The following CAMTA1 variants were observed in gnomAD, a reference collection of about 807,000 sequenced individuals.
The protein encoded by CAMTA1 is calmodulin binding transcription activator 1, also known as calmodulin-binding transcription activator 1.
A neutral mutation model predicts 170.9 loss-of-function variants in CAMTA1; 27 were observed. The ratio of observed to expected loss-of-function variants is 0.16; its 90% CI spans 0.12 to 0.22. The LOEUF is 0.22. Ranked by LOEUF, CAMTA1 falls within the 10% of genes least tolerant of loss-of-function variation. CAMTA1 has a pLI of 1.00. For synonymous variants in CAMTA1, 833 were observed against 891.5 expected, an observed-to-expected ratio of 0.93 and a Z score of 1.17; for missense variants, 1,619 against 2,217.2, an observed-to-expected ratio of 0.73 and a Z score of 5.42.
intron 4 of CAMTA1, among the ~76,000 whole-genome samples, chr1:7,223,323 T>C (rs545565386): frequency 1.2e-4 from 18 of 152,250 alleles, no homozygotes; most frequent in South Asian, 4.1e-4. Context: ...AACAGGTGCA[T>C]GTGCGTGTGA....
At chr1:6,792,174 T>G (rs1229828168) in intron 1 of CAMTA1, among the ~76,000 whole-genome samples, 1 of 151,996 alleles carries the variant, frequency 6.6e-6, no homozygotes, top group Non-Finnish European at 1.5e-5. Flanking sequence ...GCCAGGTTGG[T>G]CTTGAATTCC....
chr1:6,949,747 T>C (rs1322346455), intron 3 of CAMTA1, among the ~76,000 whole-genome samples: 1 of 152,226 alleles, frequency 6.6e-6, no homozygotes, highest in Admixed American at 6.5e-5. Context: ...TCCAACAAGT[T>C]CATTTTTCAA....
chr1:7,496,688 C>A (rs960953423), intron 6 of CAMTA1, among the ~76,000 whole-genome samples: 1 of 152,126 alleles, frequency 6.6e-6, no homozygotes, highest in Non-Finnish European at 1.5e-5. Flanking sequence ...AGGACAGCAT[C>A]CCCTACCCCT....
At chr1:7,175,350 G>T (rs1369027969) in intron 4 of CAMTA1, among the ~76,000 whole-genome samples, 1 of 152,196 alleles carries the variant, frequency 6.6e-6, no homozygotes, top group Admixed American at 6.5e-5. Context: ...GTCTGATATT[G>T]GAATTACTAT....
intron 6 of CAMTA1, among the ~76,000 whole-genome samples, chr1:7,610,439 T>C (rs943395254): frequency 6.6e-6 from 1 of 152,072 alleles, no homozygotes; most frequent in African/African-American, 2.4e-5. Flanking sequence ...AGGAATGCAA[T>C]CCCAAACAAG....
At chr1:7,473,531 C>T (rs980993882) in intron 6 of CAMTA1, among the ~76,000 whole-genome samples, 7 of 152,222 alleles carry the variant, frequency 4.6e-5, no homozygotes, top group Admixed American at 4.6e-4. Context: ...CAGCCAACAG[C>T]CTTTTCAGCC....
intron 6 of CAMTA1, among the ~76,000 whole-genome samples, chr1:7,618,498 G>A (rs1045495460): frequency 6.6e-6 from 1 of 152,226 alleles, no homozygotes; most frequent in Non-Finnish European, 1.5e-5. Flanking sequence ...CTGCCCCAAA[G>A]ACTGACTCTG....
intron 6 of CAMTA1, among the ~76,000 whole-genome samples, chr1:7,531,218 C>A (rs1461253382): frequency 1.3e-5 from 2 of 152,000 alleles, no homozygotes; most frequent in African/African-American, 4.8e-5. Context: ...ATAGTAAAGT[C>A]CCGGTGAGAG....
chr1:7,388,866 C>G (rs1438883779), intron 5 of CAMTA1, among the ~76,000 whole-genome samples: 2 of 152,246 alleles, frequency 1.3e-5, no homozygotes, highest in Admixed American at 6.5e-5. Context: ...GCCTCTGAGC[C>G]CTCCAGCCAG....
chr1:7,120,495 G>A (rs1281622737), intron 4 of CAMTA1, among the ~76,000 whole-genome samples: 1 of 152,220 alleles, frequency 6.6e-6, no homozygotes, highest in Non-Finnish European at 1.5e-5. Context: ...GCAGGGGAGA[G>A]AGAGCCTGCT....
At position 7,173,955 on chromosome 1, in the gene CAMTA1, A is replaced by G. The variant is rs1290049136; in HGVS notation, c.303-75536A>G. Among the ~76,000 whole-genome samples, 1 of 152,098 alleles carries G rather than the reference A, an allele frequency of 6.6e-6. No homozygotes were observed. The highest frequency in any genetic ancestry group is 1.9e-4 in the East Asian group (1 of 5,198). ...AACTCAGAGGGGCCCAGCCTTTACC[A>G]TGGGTTACCTTTGACACCAAGGTTC... On this transcript the variant is annotated intron_variant, in intron 4 of 22. Coordinates refer to ENST00000303635, the MANE Select transcript of CAMTA1 (RefSeq NM_015215.4). This position sits in a 1 kb window ranked among gnomAD's most constrained non-coding sequence, Gnocchi z 5.4.
intron 11 of CAMTA1, among the ~76,000 whole-genome samples, chr1:7,720,044 TCTC>T (rs1010051987): frequency 6.6e-6 from 1 of 152,212 alleles, no homozygotes; most frequent in Non-Finnish European, 1.5e-5. Flanking sequence ...AACTTTTTCT[TCTC>T]CTCTGGCAAC....
intron 3 of CAMTA1, among the ~76,000 whole-genome samples, chr1:6,868,869 A>G (rs1166940691): frequency 6.6e-6 from 1 of 152,182 alleles, no homozygotes; most frequent in East Asian, 1.9e-4. Flanking sequence ...AGTGTAGAGT[A>G]GATTTCCAGT....
chr1:6,883,454 G>T (rs557403525), intron 3 of CAMTA1, among the ~76,000 whole-genome samples: 41 of 152,246 alleles, frequency 2.7e-4, no homozygotes, highest in African/African-American at 9.6e-4. Flanking sequence ...GAGGGCAGGA[G>T]AGGGCAGGGA....
At position 7,054,689 on chromosome 1, in the gene CAMTA1, C is replaced by T. The variant is rs964412971; in HGVS notation, c.235-36615C>T. 2.0e-5 allele frequency among the ~76,000 whole-genome samples: 3 copies of T among 152,310 alleles called. No homozygotes were observed. In the East Asian group the frequency reaches 5.8e-4, roughly 29 times the overall value. On this transcript the variant is annotated intron_variant, in intron 3 of 22. Transcript: ENST00000303635. ...GACCTTGGAGTCGGGCTGTGCCACA[C>T]TTGAGTTACACGGACACCACTTCCG...
chr1:7,704,702 C>T (rs1356123633), intron 11 of CAMTA1, among the ~76,000 whole-genome samples: 1 of 148,086 alleles, frequency 6.8e-6, no homozygotes. Context: ...TTGGTCCGGG[C>T]GGCGCACTCG....
At chr1:7,489,186 G>T (rs763051918) in intron 6 of CAMTA1, among the ~76,000 whole-genome samples, 6 of 152,232 alleles carry the variant, frequency 3.9e-5, no homozygotes, top group Admixed American at 6.5e-5. Context: ...GGGAAGGGGG[G>T]CCATGATGCC....
At chr1:7,077,574 G>T (rs1446728341) in intron 3 of CAMTA1, among the ~76,000 whole-genome samples, 1 of 152,052 alleles carries the variant, frequency 6.6e-6, no homozygotes, top group African/African-American at 2.4e-5. Flanking sequence ...CTCTGGAGCT[G>T]TCAGCTGTGA....
At position 7,528,431 on chromosome 1, in the gene CAMTA1, TA is replaced by T. The variant is rs546879779; in HGVS notation, c.510+60542del. Reference sequence around the variant, plus strand: ...AACCACAGCTAATATTTTGGTTTTTTAAAAAAAAAAAATCTTTCTAAAGATA... The same window carrying T: ...AACCACAGCTAATATTTTGGTTTTTTAAAAAAAAAAATCTTTCTAAAGATA... On this transcript the variant is annotated intron_variant, in intron 6 of 22. Coordinates refer to ENST00000303635, the MANE Select transcript of CAMTA1 (RefSeq NM_015215.4). 3.3e-3 allele frequency among the ~76,000 whole-genome samples: 491 copies of T among 149,220 alleles called. 2 individuals are homozygous for T. The highest frequency in any genetic ancestry group is 9.7e-3 in the African/African-American group (396 of 40,860).
Sources: gnomAD v4.1 joint callset for allele counts (sites outside exome capture counted in the v4.1 genomes callset) on GRCh38, gnomAD v4.1.1 for gene constraint, Gnocchi (gnomAD v3.1) non-coding constraint, MANE v1.5 for transcripts, NCBI Gene and HGNC (gene_info 2026-07-23, HGNC 2026-07-21) for gene names.